The following MAPKAPK2 variants were observed in gnomAD, a reference collection of about 807,000 sequenced individuals.
MAPKAPK2 encodes MAPK activated protein kinase 2, also known as MAP kinase-activated protein kinase 2.
In MAPKAPK2, 9 loss-of-function variants were observed where a neutral mutation model predicts 48.8. The observed-to-expected ratio is 0.18, with a 90% CI of 0.11 to 0.32. The LOEUF (loss-of-function observed/expected upper bound fraction) is 0.32. Ranked by LOEUF, MAPKAPK2 falls within the 10% of genes least tolerant of loss-of-function variation. The pLI is 1.00. For missense variants in MAPKAPK2, 331 were observed against 498.3 expected (o/e 0.66, Z 3.20); for synonymous variants, 202 against 190.6 (o/e 1.06, Z -0.49).
chr1:206,721,025 C>T (rs1476008081), intron 1 of MAPKAPK2, among the ~76,000 whole-genome samples: 1 of 152,208 alleles, frequency 6.6e-6, no homozygotes, highest in Admixed American at 6.5e-5. Flanking sequence ...GTTTGTTTCT[C>T]CCAAATCTCA....
chr1:206,701,850 A>AG (rs1246360708), intron 1 of MAPKAPK2, among the ~76,000 whole-genome samples: 3 of 151,142 alleles, frequency 2.0e-5, no homozygotes, highest in African/African-American at 7.3e-5. Context: ...AAAAAAAAAA[A>AG]AAAAAAGAGG....
At position 206,705,325 on chromosome 1, in the gene MAPKAPK2, G is replaced by C. The variant is rs545688314; in HGVS notation, c.279+19817G>C. Among the ~76,000 whole-genome samples the C allele has an allele frequency of 9.8e-5, 15 of 152,294 alleles. No individual in the cohort carries two copies. In the South Asian group the frequency reaches 3.1e-3, roughly 32 times the overall value. The stretch of plus-strand genomic sequence containing the variant: ...CCTCCCTGTTGGCTTTGTGCTTCTG[G>C]AGAAGCTTTTGTCCTGGCATGAAAA... On this transcript the variant is annotated intron_variant, in intron 1 of 9. Transcript: ENST00000367103.
At chr1:206,728,568 T>A in intron 1 of MAPKAPK2, 142 bp from the exon 2 acceptor site, 1 of 801,932 alleles carries the variant, frequency 1.2e-6, no homozygotes, top group Non-Finnish European at 1.9e-6. Flanking sequence ...CCTCAGGAAA[T>A]GTGCCAAGGG....
intron 1 of MAPKAPK2, among the ~76,000 whole-genome samples, chr1:206,701,791 A>G (rs1337033740): frequency 7.0e-6 from 1 of 142,258 alleles, no homozygotes; most frequent in Non-Finnish European, 1.5e-5. Flanking sequence ...CCGTTATTGC[A>G]CTGCACTCCA....
At chr1:206,694,127 G>T (rs1553426664) in intron 1 of MAPKAPK2, among the ~76,000 whole-genome samples, 1 of 152,250 alleles carries the variant, frequency 6.6e-6, no homozygotes, top group Non-Finnish European at 1.5e-5. Flanking sequence ...CTGTTCTTCA[G>T]CGTGGCGTTA....
intron 1 of MAPKAPK2, among the ~76,000 whole-genome samples, chr1:206,708,352 A>G (rs533842280): frequency 6.6e-6 from 1 of 152,292 alleles, no homozygotes; most frequent in South Asian, 2.1e-4. Context: ...TTTTATTATG[A>G]AACATTTCAG....
At position 206,711,607 on chromosome 1, in the gene MAPKAPK2, C is replaced by CTTTT. The variant is rs781793889; in HGVS notation, c.280-17085_280-17082dup. Among the ~76,000 whole-genome samples, 361 of 115,494 alleles carry CTTTT rather than the reference C, an allele frequency of 3.1e-3. 4 individuals are homozygous for CTTTT. Among genetic ancestry groups the CTTTT allele is most frequent in the Admixed American group, 4.7e-3 (50 of 10,668 alleles). The allele number at this position is 115,494 out of a possible 152,430, so 75.8% of individuals were successfully genotyped here. Reference sequence around the variant, plus strand: ...TCAGTATGTCTTAATCTACCTCATTCTTTTTTTTTTTTTTTTTTTTTATGT... The same window carrying CTTTT: ...TCAGTATGTCTTAATCTACCTCATTCTTTTTTTTTTTTTTTTTTTTTTTTTATGT... On this transcript the variant is annotated intron_variant, in intron 1 of 9. Coordinates refer to ENST00000367103, the MANE Select transcript of MAPKAPK2 (RefSeq NM_032960.4).
Position 206,731,427 on chromosome 1 carries a change from C to T in MAPKAPK2, c.892+165C>T, listed in dbSNP as rs782145613. The T allele has an allele frequency of 1.6e-5, 22 of 1,386,618 alleles. No homozygotes were observed. The highest frequency in any genetic ancestry group is 4.2e-5 in the Admixed American group (2 of 47,846). The allele number at this position is 1,386,618 out of a possible 1,614,324, so 85.9% of individuals were successfully genotyped here. A position where few individuals can be genotyped will look rare whatever the true frequency, so the allele number is the denominator to read the frequency against. ...GCGGGGTGCGTCCTGCTTCATTTTG[C>T]CTGTGTGGAGGGCTGGAGGCAGGGC... On this transcript the variant is annotated intron_variant, in intron 7 of 9. Coordinates refer to ENST00000367103, the MANE Select transcript of MAPKAPK2 (RefSeq NM_032960.4). The surrounding 1 kb of genome is among the most constrained non-coding windows in gnomAD (Gnocchi z 5.9).
chr1:206,723,905 G>A (rs1572510362), intron 1 of MAPKAPK2, among the ~76,000 whole-genome samples: 1 of 152,368 alleles, frequency 6.6e-6, no homozygotes, highest in Non-Finnish European at 1.5e-5. Context: ...GCCACAGTTG[G>A]CAGGGGGCCT....
chr1:206,732,189 ATCT>A lies in MAPKAPK2; in HGVS notation c.1059+274_1059+276del. 2 of 1,592,762 alleles carry A rather than the reference ATCT, an allele frequency of 1.3e-6. No individual in the cohort carries two copies. Among genetic ancestry groups the A allele is most frequent in the Admixed American group, 1.7e-5 (1 of 58,306 alleles). On this transcript the variant is annotated intron_variant, in intron 9 of 9. Transcript: ENST00000367103. This position sits in a 1 kb window ranked among gnomAD's most constrained non-coding sequence, Gnocchi z 4.4. ...GGGACCTTAAAGACCATCTGGTATC[ATCT>A]TCTCATTTTGCAGAAGAGAAACTGA...
chr1:206,712,293 ATGT>A (rs1413943079), intron 1 of MAPKAPK2, among the ~76,000 whole-genome samples: 4 of 152,202 alleles, frequency 2.6e-5, no homozygotes, highest in African/African-American at 9.6e-5. Context: ...GAGTTAGATA[ATGT>A]TGTTATCCCT....
chr1:206,714,234 G>C (rs1673247706), intron 1 of MAPKAPK2, among the ~76,000 whole-genome samples: 1 of 152,156 alleles, frequency 6.6e-6, no homozygotes, highest in Non-Finnish European at 1.5e-5. Context: ...TCATCCCTAA[G>C]GTCTGGGCAG....
In MAPKAPK2 at chr1:206,732,568, C is replaced by G; in HGVS notation, c.1060-7C>G. ...CTGTACCCTTCCTGGTGCTGCCGTG[C>G]CCCCAGGAGGAGATGACCAGTGCCT... is the stretch of plus-strand genomic sequence containing the variant. On this transcript the variant is annotated splice_polypyrimidine_tract_variant and splice_region_variant and intron_variant, in intron 9 of 9. Coordinates refer to ENST00000367103, the MANE Select transcript of MAPKAPK2 (RefSeq NM_032960.4). This position sits in a 1 kb window ranked among gnomAD's most constrained non-coding sequence, Gnocchi z 4.4. 6.2e-7 allele frequency: 1 copy of G among 1,613,434 alleles called. No individual in the cohort carries two copies. Among genetic ancestry groups the G allele is most frequent in the South Asian group, 1.1e-5 (1 of 91,036 alleles).
In MAPKAPK2 at chr1:206,731,181, A is replaced by G. The variant is rs781923393; in HGVS notation, c.811A>G (p.Ile271Val). ...PPFYSNHGLA[I>V]SPGMKTRIRM... is the part of the protein sequence containing the mutation. ...CTTCTACTCCAACCACGGCCTTGCC[A>G]TCTCTCCGGGCATGAAGACTCGCAT... Residue 271 changes from isoleucine to valine, a missense_variant, in exon 7 of 10, where the codon ATC becomes GTC. By Grantham distance (29) the Ile-to-Val change is conservative. Around this residue, in one of 4 missense-constraint regions of MAPKAPK2, gnomAD observed 124 missense variants for 194.6 expected, o/e 0.64. Transcript: ENST00000367103. The surrounding 1 kb of genome is among the most constrained non-coding windows in gnomAD (Gnocchi z 5.9). 1.2e-6 allele frequency: 2 copies of G among 1,613,966 alleles called. No homozygotes were observed. Among genetic ancestry groups the G allele is most frequent in the Non-Finnish European group, 1.7e-6 (2 of 1,179,990 alleles).
chr1:206,731,298 C>A lies in MAPKAPK2; in HGVS notation c.892+36C>A, dbSNP rs1553432621. The A allele has an allele frequency of 6.2e-7, 1 of 1,600,392 alleles. No individual in the cohort carries two copies. Among genetic ancestry groups the A allele is most frequent in the South Asian group, 1.1e-5 (1 of 89,854 alleles). ...AGGCTTTCAGGACAAGGGGAAGAGC[C>A]CGTGTGTGTGTGTGTGTGTGTATGT... is the stretch of plus-strand genomic sequence containing the variant. On this transcript the variant is annotated intron_variant, in intron 7 of 9. Transcript: ENST00000367103. The surrounding 1 kb of genome is among the most constrained non-coding windows in gnomAD (Gnocchi z 5.9).
rs1185994557 is a variant in MAPKAPK2 at position 206,712,345 on chromosome 1, G to A, written c.280-16365G>A. ...GGAAACCGGAGGTATAAGAAGGTTAGGAAAGGTGCTCAGGGCCCACAGCAG... is the reference window on the plus strand; with the variant it reads ...GGAAACCGGAGGTATAAGAAGGTTAAGAAAGGTGCTCAGGGCCCACAGCAG... On this transcript the variant is annotated intron_variant, in intron 1 of 9. Transcript: ENST00000367103. Among the ~76,000 whole-genome samples, 4 of 152,238 alleles carry A rather than the reference G, an allele frequency of 2.6e-5. No individual in the cohort carries two copies. The East Asian group carries it at 5.8e-4, about 22-fold the overall frequency.
Position 206,728,690 on chromosome 1 carries a change from G to C in MAPKAPK2, c.280-20G>C. On this transcript the variant is annotated intron_variant, in intron 1 of 9. Transcript: ENST00000367103. The stretch of plus-strand genomic sequence containing the variant: ...GCCCATGTGACAGCGCAGTTACTCA[G>C]AAAGCTGTTTGGCCTGCAGATGCTT... The C allele has an allele frequency of 6.2e-7, 1 of 1,610,664 alleles. No homozygotes were observed. Among genetic ancestry groups the C allele is most frequent in the Non-Finnish European group, 8.5e-7 (1 of 1,178,596 alleles).
chr1:206,699,072 G>T (rs1229899676), intron 1 of MAPKAPK2, among the ~76,000 whole-genome samples: 1 of 152,218 alleles, frequency 6.6e-6, no homozygotes, highest in South Asian at 2.1e-4. Context: ...TGAATAAGTT[G>T]TAGGCCCTGC....
In MAPKAPK2 at chr1:206,710,226, T is replaced by G. The variant is rs540622357; in HGVS notation, c.280-18484T>G. Among the ~76,000 whole-genome samples the G allele has an allele frequency of 1.7e-4, 26 of 152,262 alleles. No homozygotes were observed. In the South Asian group the frequency reaches 4.6e-3, roughly 27 times the overall value. On this transcript the variant is annotated intron_variant, in intron 1 of 9. Transcript: ENST00000367103. ...AAGTAACTGCATGCAGTACAAACTT[T>G]GCTGTTAGCTCTTCAGTCCACAGAT...
Sources: allele counts gnomAD v4.1 joint callset (sites outside exome capture counted in the v4.1 genomes callset), GRCh38; gene constraint gnomAD v4.1.1; regional missense constraint gnomAD v4.1.1; non-coding constraint Gnocchi (gnomAD v3.1); transcripts MANE v1.5; gene names NCBI Gene and HGNC (gene_info 2026-07-23, HGNC 2026-07-21).